MGAT4C: variants seen among roughly 807,000 people sequenced by gnomAD.
The protein encoded by MGAT4C is alpha-1,3-mannosyl-glycoprotein 4-beta-N-acetylglucosaminyltransferase C.
Under a neutral mutation model 40.1 loss-of-function variants are expected in MGAT4C, and 19 were observed. The observed-to-expected ratio is 0.47, with a 90% CI of 0.33 to 0.70. The LOEUF is 0.70. Among genes scored for constraint, MGAT4C ranks in the 30% least tolerant of loss-of-function variants. The pLI is 0.02. For missense variants in MGAT4C, 491 were observed against 563.2 expected, an observed-to-expected ratio of 0.87 and a Z score of 1.30; for synonymous variants, 181 against 187.1, an observed-to-expected ratio of 0.97 and a Z score of 0.27.
chr12:86,244,590 T>C (rs1951939630), intron 1 of MGAT4C, among the ~76,000 whole-genome samples: 1 of 152,162 alleles, frequency 6.6e-6, no homozygotes, highest in Admixed American at 6.5e-5. Context: ...GATACAGCAA[T>C]GGATACAACT....
chr12:86,608,683 C>T (rs1388250463), intron 2 of MGAT4C, among the ~76,000 whole-genome samples: 1 of 151,160 alleles, frequency 6.6e-6, no homozygotes, highest in Non-Finnish European at 1.5e-5. Flanking sequence ...AAATGTACTG[C>T]AATATTTTAA....
At chr12:86,365,936 T>C (rs905485891) in intron 3 of MGAT4C, among the ~76,000 whole-genome samples, 1 of 152,182 alleles carries the variant, frequency 6.6e-6, no homozygotes, top group African/African-American at 2.4e-5. Context: ...ATGCCATTGG[T>C]ATTTTGATAG....
intron 2 of MGAT4C, among the ~76,000 whole-genome samples, chr12:85,997,723 G>C (rs1455416867): frequency 2.0e-5 from 3 of 152,232 alleles, no homozygotes; most frequent in African/African-American, 7.2e-5. Context: ...TGATGCAAAA[G>C]GTTGGTTTCC....
At chr12:86,771,712 GTGTGTGTGTGTA>G (rs1375573948) in intron 1 of MGAT4C, among the ~76,000 whole-genome samples, 20 of 141,734 alleles carry the variant, frequency 1.4e-4, no homozygotes, top group African/African-American at 4.9e-4. Flanking sequence ...GTGTGTGTGT[GTGTGTGTGTGTA>G]TGTGTGTGTG....
At chr12:86,611,456 T>TAGATGATA (rs1555210960) in intron 2 of MGAT4C, among the ~76,000 whole-genome samples, 17 of 143,546 alleles carry the variant, frequency 1.2e-4, no homozygotes, top group South Asian at 2.3e-4. Flanking sequence ...GATAGATAGA[T>TAGATGATA]GATAGATAGA....
At chr12:86,429,239 G>A (rs1956987628) in intron 3 of MGAT4C, among the ~76,000 whole-genome samples, 1 of 152,028 alleles carries the variant, frequency 6.6e-6, no homozygotes, top group Non-Finnish European at 1.5e-5. Context: ...TCAGGATCAT[G>A]TTGCTTAATT....
chr12:86,464,933 T>G, intron 2 of MGAT4C, among the ~76,000 whole-genome samples: 1 of 152,260 alleles, frequency 6.6e-6, no homozygotes, highest in Non-Finnish European at 1.5e-5. Flanking sequence ...TTCTTTGATA[T>G]TCACACTATT....
chr12:86,059,993 A>G (rs1893782555), intron 1 of MGAT4C, among the ~76,000 whole-genome samples: 2 of 152,140 alleles, frequency 1.3e-5, no homozygotes, highest in Non-Finnish European at 2.9e-5. Context: ...TTCTTTCAAG[A>G]CTTTTCTTTT....
At chr12:86,774,304 T>TTTCTTTC (rs1442408851) in intron 1 of MGAT4C, among the ~76,000 whole-genome samples, 3 of 25,348 alleles carry the variant, frequency 1.2e-4, no homozygotes, top group African/African-American at 2.9e-4. Flanking sequence ...TCTTTCTTTC[T>TTTCTTTC]TTCTTTCTTT....
intron 1 of MGAT4C, among the ~76,000 whole-genome samples, chr12:86,115,604 G>T (rs777839998): frequency 1.3e-5 from 2 of 151,908 alleles, no homozygotes; most frequent in Admixed American, 1.3e-4. Flanking sequence ...TATAAATAAT[G>T]GTCCCAATCT....
chr12:86,021,665 C>T (rs1028575946), intron 2 of MGAT4C, among the ~76,000 whole-genome samples: 1 of 151,754 alleles, frequency 6.6e-6, no homozygotes, highest in African/African-American at 2.4e-5. Context: ...GTGTAGCACA[C>T]CAACATGGCA....
At chr12:86,225,310 C>T (rs922440627) in intron 1 of MGAT4C, among the ~76,000 whole-genome samples, 2 of 151,974 alleles carry the variant, frequency 1.3e-5, no homozygotes, top group Non-Finnish European at 2.9e-5. Flanking sequence ...AAAAAGTCTC[C>T]AAACAAAGAA....
intron 3 of MGAT4C, among the ~76,000 whole-genome samples, chr12:86,378,620 CACAGAAATAATGACCT>C (rs1470128781): frequency 1.3e-5 from 2 of 152,016 alleles, no homozygotes; most frequent in Non-Finnish European, 2.9e-5. Context: ...ATGAGGAAGA[CACAGAAATAATGACCT>C]ACAGAAAGTT....
chr12:86,814,678 A>G (rs1303307530), intron 1 of MGAT4C, among the ~76,000 whole-genome samples: 1 of 151,978 alleles, frequency 6.6e-6, no homozygotes, highest in Non-Finnish European at 1.5e-5. Context: ...CAATGTGGTG[A>G]TATTCCAAGG....
chr12:86,276,521 T>C (rs2136113004), intron 4 of MGAT4C, among the ~76,000 whole-genome samples: 1 of 152,348 alleles, frequency 6.6e-6, no homozygotes, highest in Middle Eastern at 3.4e-3. Context: ...ATTCATTTTT[T>C]CTGTTTATTT....
intron 2 of MGAT4C, among the ~76,000 whole-genome samples, chr12:86,569,558 A>T (rs1960278902): frequency 6.6e-6 from 1 of 152,058 alleles, no homozygotes; most frequent in South Asian, 2.1e-4. Context: ...GTTGGTGAAG[A>T]TGTAAAGGGA....
Position 86,609,002 on chromosome 12 carries a change from AT to A in MGAT4C, c.-229+118206del, listed in dbSNP as rs548515752. ...AGATGAAAGCATAGAGAATAAAAAA[AT>A]AATAGAGTAAAACTAAGATATTTTG... On this transcript the variant is annotated intron_variant, in intron 2 of 7. Coordinates refer to the MGAT4C transcript ENST00000548651. Among the ~76,000 whole-genome samples the A allele has an allele frequency of 3.7e-3, 564 of 152,332 alleles. 1 individual carries two copies. The highest frequency in any genetic ancestry group is 0.012 in the African/African-American group (505 of 41,584).
At chr12:86,655,616 G>A (rs78716451) in intron 2 of MGAT4C, among the ~76,000 whole-genome samples, 1 of 151,932 alleles carries the variant, frequency 6.6e-6, no homozygotes, top group Non-Finnish European at 1.5e-5. Flanking sequence ...TATTCCTCAA[G>A]CATGCTGCCA....
intron 2 of MGAT4C, among the ~76,000 whole-genome samples, chr12:86,463,807 G>C (rs1227769387): frequency 1.3e-5 from 2 of 152,018 alleles, no homozygotes. Context: ...TTCTTACTTT[G>C]CTATGTTTTC....
Sources: allele counts gnomAD v4.1 joint callset (sites outside exome capture counted in the v4.1 genomes callset), GRCh38; gene constraint gnomAD v4.1.1; transcripts MANE v1.5; gene names NCBI Gene and HGNC (gene_info 2026-07-23, HGNC 2026-07-21).